The following TGM6 variants were observed in gnomAD, a reference collection of about 807,000 sequenced individuals.
The protein encoded by TGM6 is transglutaminase 6, also known as protein-glutamine gamma-glutamyltransferase 6.
A neutral mutation model predicts 77.5 loss-of-function variants in TGM6; 74 were observed. The ratio of observed to expected loss-of-function variants is 0.96; its 90% CI spans 0.79 to 1.16. TGM6 has a LOEUF of 1.16. TGM6 is among the 50% of genes most tolerant of loss of function. The pLI, the probability that TGM6 is intolerant of heterozygous loss-of-function variation, is 0.00. For missense variants in TGM6, 968 were observed against 940.2 expected, an observed-to-expected ratio of 1.03 and a Z score of -0.39; for synonymous variants, 383 against 378.9, an observed-to-expected ratio of 1.01 and a Z score of -0.12.
intron 9 of TGM6, among the ~76,000 whole-genome samples, chr20:2,416,692 T>A (rs900115512): frequency 1.3e-5 from 2 of 152,174 alleles, no homozygotes; most frequent in Non-Finnish European, 2.9e-5. Context: ...TCGTCTATAA[T>A]CTAGTCCTGA....
At chr20:2,386,184 G>C (rs2084594468) in intron 1 of TGM6, among the ~76,000 whole-genome samples, 1 of 152,138 alleles carries the variant, frequency 6.6e-6, no homozygotes, top group South Asian at 2.1e-4. Context: ...GGCTAGGACA[G>C]AACGTATCTG....
intron 10 of TGM6, among the ~76,000 whole-genome samples, chr20:2,423,540 T>C (rs1462605075): frequency 6.6e-6 from 1 of 152,216 alleles, no homozygotes; most frequent in African/African-American, 2.4e-5. Context: ...GGCTGCACTC[T>C]AATTCTCTTG....
rs954752968 is a variant in TGM6 at position 2,415,726 on chromosome 20, C to T, written c.1337-1506C>T. 2.0e-5 allele frequency among the ~76,000 whole-genome samples: 3 copies of T among 152,120 alleles called. No homozygotes were observed. The South Asian group carries it at 6.2e-4, about 32-fold the overall frequency. ...CTCCCAGGCTTCTGGCTTGTACACC[C>T]GGGCTCATGGCTGCACCATTGGCTG... On this transcript the variant is annotated intron_variant, in intron 9 of 12. Coordinates refer to ENST00000202625, the MANE Select transcript of TGM6 (RefSeq NM_198994.3).
intron 10 of TGM6, among the ~76,000 whole-genome samples, chr20:2,419,999 C>T (rs2122416554): frequency 6.6e-6 from 1 of 152,280 alleles, no homozygotes; most frequent in East Asian, 1.9e-4. Context: ...AATCCCAGCA[C>T]TTTGGGAGGC....
rs917817617 is a variant in TGM6 at position 2,380,928 on chromosome 20, A to G, written c.-41A>G. On this transcript the variant is annotated 5_prime_UTR_variant, in exon 1 of 13. Coordinates refer to ENST00000202625, the MANE Select transcript of TGM6 (RefSeq NM_198994.3). ...GCCACACTGTCCTGACGGTGCACAC[A>G]CTGCTGTGTGGAGGAACAGAGGAGT... 4 of 1,601,892 alleles carry G rather than the reference A, an allele frequency of 2.5e-6. No individual in the cohort carries two copies. The highest frequency in any genetic ancestry group is 1.3e-5 in the African/African-American group (1 of 74,788).
At chr20:2,423,557 C>T (rs932639420) in intron 10 of TGM6, among the ~76,000 whole-genome samples, 2 of 152,172 alleles carry the variant, frequency 1.3e-5, no homozygotes, top group Non-Finnish European at 2.9e-5. Flanking sequence ...CTTGCTGTTT[C>T]CACCACATCA....
intron 1 of TGM6, among the ~76,000 whole-genome samples, chr20:2,386,232 C>T (rs2422759): frequency 0.75 from 113,613 of 151,462 alleles, 43,033 homozygotes; most frequent in African/African-American, 0.81. Context: ...TCCTGGACCC[C>T]AGCCCCGGCT....
At chr20:2,425,352 GA>G (rs34445977) in intron 10 of TGM6, among the ~76,000 whole-genome samples, 33,955 of 137,566 alleles carry the variant, frequency 0.25, 4,037 homozygotes, top group South Asian at 0.32. Context: ...TTGTCTTAAA[GA>G]AAAAAAAAAA....
intron 1 of TGM6, among the ~76,000 whole-genome samples, chr20:2,392,274 C>T (rs2084633832): frequency 1.3e-5 from 2 of 152,200 alleles, no homozygotes; most frequent in Non-Finnish European, 2.9e-5. Context: ...GATGCTTGGG[C>T]TGAGACTAGA....
intron 1 of TGM6, among the ~76,000 whole-genome samples, chr20:2,386,602 C>T (rs1278806794): frequency 2.0e-5 from 3 of 152,116 alleles, no homozygotes; most frequent in Non-Finnish European, 4.4e-5. Flanking sequence ...GTATGGCAAG[C>T]TGGGACCATG....
intron 10 of TGM6, among the ~76,000 whole-genome samples, chr20:2,422,366 G>C (rs1240092884): frequency 6.6e-6 from 1 of 152,100 alleles, no homozygotes; most frequent in Non-Finnish European, 1.5e-5. Context: ...CTTTGTCAAA[G>C]ATCAACTGAC....
At position 2,380,984 on chromosome 20, in the gene TGM6, G is replaced by T. The variant is rs370531675; in HGVS notation, c.7+9G>T. On this transcript the variant is annotated intron_variant, in intron 1 of 12. Coordinates refer to ENST00000202625, the MANE Select transcript of TGM6 (RefSeq NM_198994.3). The stretch of plus-strand genomic sequence containing the variant: ...TGGCCTTCACATGGCAGGTAAGTGG[G>T]CAGAGCCTGGGGCCTTGGGACACCA... 6.2e-7 allele frequency: 1 copy of T among 1,608,674 alleles called. No homozygotes were observed.
chr20:2,393,022 G>T (rs898435615), intron 1 of TGM6, among the ~76,000 whole-genome samples: 1 of 152,182 alleles, frequency 6.6e-6, no homozygotes, highest in Admixed American at 6.5e-5. Context: ...ACCATGCATT[G>T]AGGGCAAGCC....
At chr20:2,394,339 T>TA (rs1468886128) in intron 1 of TGM6, 113 bp from the exon 2 acceptor site, 1 of 1,249,130 alleles carries the variant, frequency 8.0e-7, no homozygotes, top group Non-Finnish European at 1.1e-6. Context: ...CGGTATATGA[T>TA]AAATAGCAGC....
At chr20:2,383,874 A>G (rs1160626581) in intron 1 of TGM6, among the ~76,000 whole-genome samples, 1 of 152,054 alleles carries the variant, frequency 6.6e-6, no homozygotes, top group African/African-American at 2.4e-5. Context: ...TTGCGAGGCC[A>G]AGGTGAGCGG....
chr20:2,401,172 C>T (rs185362564), intron 7 of TGM6, among the ~76,000 whole-genome samples: 114 of 151,166 alleles, frequency 7.5e-4, no homozygotes, highest in Non-Finnish European at 1.4e-3. Flanking sequence ...CATGCCACTG[C>T]GCTCCAGCCT....
At chr20:2,422,923 C>T (rs1402835464) in intron 10 of TGM6, among the ~76,000 whole-genome samples, 3 of 143,352 alleles carry the variant, frequency 2.1e-5, no homozygotes, top group Non-Finnish European at 3.0e-5. Flanking sequence ...GCACTCCAGC[C>T]TGGGTAACAA....
Position 2,417,248 on chromosome 20 carries a change from G to C in TGM6, c.1353G>C (p.Arg451Ser). ...GCCCTGCAGGGTCCCGGAAAGAGAGGCAGGTGTACAGCAAGGCGGTGAACA... is the reference window on the plus strand; with the variant it reads ...GCCCTGCAGGGTCCCGGAAAGAGAGCCAGGTGTACAGCAAGGCGGTGAACA... ...YKYPEGSRKE[R>S]QVYSKAVNRL... The change falls in exon 10 of 13, where the codon AGG (arginine) becomes AGC (serine). Residue 451 changes from arginine to serine, a missense_variant. By Grantham distance (110) the Arg-to-Ser change is moderately radical. Transcript: ENST00000202625. 1 of 1,604,708 alleles carries C rather than the reference G, an allele frequency of 6.2e-7. No homozygotes were observed. The highest frequency in any genetic ancestry group is 8.5e-7 in the Non-Finnish European group (1 of 1,176,100).
intron 12 of TGM6, 47 bp from the exon 13 acceptor site, chr20:2,432,443 T>C (rs769675211): frequency 1.2e-6 from 2 of 1,611,306 alleles, no homozygotes; most frequent in Non-Finnish European, 1.7e-6. Context: ...AGACTCAGAA[T>C]GGCAAGAGGA....
Sources: allele counts gnomAD v4.1 joint callset (sites outside exome capture counted in the v4.1 genomes callset), GRCh38; gene constraint gnomAD v4.1.1; transcripts MANE v1.5; gene names NCBI Gene and HGNC (gene_info 2026-07-23, HGNC 2026-07-21).